PTPRD: variants seen among roughly 807,000 people sequenced by gnomAD.
PTPRD encodes the protein protein tyrosine phosphatase receptor type D.
In PTPRD, 34 loss-of-function variants were observed where a neutral mutation model predicts 214.5. The ratio of observed to expected loss-of-function variants is 0.16; its 90% CI spans 0.12 to 0.21. The LOEUF is 0.21. PTPRD is among the 10% of genes least tolerant of loss of function. The probability of loss-of-function intolerance (pLI) is 1.00; values close to 1 mark genes in which losing one functional copy is unlikely to be tolerated. For missense variants in PTPRD, 2,545 were observed against 2,398.7 expected (o/e 1.06, Z -1.27); for synonymous variants, 1,128 against 845.7 (o/e 1.33, Z -5.79).
At chr9:9,153,826 T>A (rs966509570) in intron 10 of PTPRD, among the ~76,000 whole-genome samples, 1 of 152,118 alleles carries the variant, frequency 6.6e-6, no homozygotes, top group Non-Finnish European at 1.5e-5. Flanking sequence ...CATAAATTTG[T>A]CTCCTCAGAC....
At chr9:10,257,500 T>C (rs1421985872) in intron 3 of PTPRD, among the ~76,000 whole-genome samples, 1 of 152,134 alleles carries the variant, frequency 6.6e-6, no homozygotes, top group Non-Finnish European at 1.5e-5. Context: ...ATCCAATTGA[T>C]TAGGCAAGCA....
At chr9:10,111,212 T>A (rs919696540) in intron 3 of PTPRD, among the ~76,000 whole-genome samples, 5 of 150,856 alleles carry the variant, frequency 3.3e-5, no homozygotes, top group African/African-American at 1.2e-4. Context: ...ATAATCTGTG[T>A]GCTTCCAGTT....
At chr9:8,450,997 T>C (rs973516156) in intron 33 of PTPRD, among the ~76,000 whole-genome samples, 3 of 152,216 alleles carry the variant, frequency 2.0e-5, no homozygotes, top group East Asian at 1.9e-4. Context: ...GATGTGACTG[T>C]GGTACAGCTC....
rs772990937 is a variant in PTPRD at position 8,500,804 on chromosome 9, A to T, written c.2078T>A (p.Val693Asp). Residue 693 changes from valine to aspartate, a missense_variant, in exon 24 of 46, where the codon GTC (valine) becomes GAC (aspartate). Physicochemically the swap from Val to Asp is radical, Grantham distance 152 (BLOSUM62 -3). Coordinates refer to ENST00000381196, the MANE Select transcript of PTPRD (RefSeq NM_002839.4). The part of the protein sequence containing the change: ...YRITVTAHTD[V>D]GPGPESLSVL... ...GGACAAGCTCTCAGGGCCAGGGCCGACATCTGTATGGGCTGTCACAGTGAT... is the reference window on the plus strand; with the variant it reads ...GGACAAGCTCTCAGGGCCAGGGCCGTCATCTGTATGGGCTGTCACAGTGAT... The T allele has an allele frequency of 3.1e-6, 5 of 1,614,150 alleles. No individual in the cohort carries two copies. In the South Asian group the frequency reaches 5.5e-5, roughly 18 times the overall value.
At chr9:8,987,890 T>C (rs372039536) in intron 11 of PTPRD, among the ~76,000 whole-genome samples, 94 of 152,190 alleles carry the variant, frequency 6.2e-4, no homozygotes, top group African/African-American at 2.0e-3. Context: ...ATCCTCAGTT[T>C]GAAGGCAATA....
intron 12 of PTPRD, among the ~76,000 whole-genome samples, chr9:8,722,322 A>T (rs2098509242): frequency 6.6e-6 from 1 of 152,150 alleles, no homozygotes; most frequent in Admixed American, 6.5e-5. Context: ...GAATTGAGAA[A>T]ATTGCTCCTG....
At chr9:9,842,088 G>A (rs992552741) in intron 5 of PTPRD, among the ~76,000 whole-genome samples, 2 of 151,852 alleles carry the variant, frequency 1.3e-5, no homozygotes, top group East Asian at 1.9e-4. Flanking sequence ...ATTTTTGGAT[G>A]TATATATACA....
chr9:9,981,432 G>T (rs915378109), intron 4 of PTPRD, among the ~76,000 whole-genome samples: 2 of 149,500 alleles, frequency 1.3e-5, no homozygotes, highest in African/African-American at 2.5e-5. Flanking sequence ...TCGGCTCAGT[G>T]CAAGCTCCAC....
At chr9:10,259,596 T>C (rs1328839798) in intron 3 of PTPRD, among the ~76,000 whole-genome samples, 1 of 151,626 alleles carries the variant, frequency 6.6e-6, no homozygotes, top group East Asian at 1.9e-4. Context: ...GTGGTGATGA[T>C]TTTTTTTTCA....
At chr9:9,643,280 A>C (rs992597891) in intron 7 of PTPRD, among the ~76,000 whole-genome samples, 1 of 152,128 alleles carries the variant, frequency 6.6e-6, no homozygotes, top group Non-Finnish European at 1.5e-5. Flanking sequence ...TTGATGACAA[A>C]CTGCAACATG....
chr9:9,356,765 G>C (rs1303391005), intron 9 of PTPRD, among the ~76,000 whole-genome samples: 1 of 151,262 alleles, frequency 6.6e-6, no homozygotes, highest in African/African-American at 2.4e-5. Flanking sequence ...CTCCCTCTAG[G>C]TTTGATTTTC....
chr9:8,735,171 TCTCA>T (rs2089939283), intron 11 of PTPRD, among the ~76,000 whole-genome samples: 1 of 143,196 alleles, frequency 7.0e-6, no homozygotes, highest in Non-Finnish European at 1.5e-5. Context: ...TTTGAGACAG[TCTCA>T]CTCTGTCACC....
chr9:8,780,527 C>A (rs2154493479), intron 11 of PTPRD, among the ~76,000 whole-genome samples: 1 of 152,244 alleles, frequency 6.6e-6, no homozygotes, highest in Middle Eastern at 3.4e-3. Context: ...GAAGGAGGTA[C>A]CGGAGAAGTC....
chr9:9,298,597 G>A (rs1264882930), intron 9 of PTPRD, among the ~76,000 whole-genome samples: 2 of 151,838 alleles, frequency 1.3e-5, no homozygotes, highest in Non-Finnish European at 2.9e-5. Context: ...TTGCAATGCT[G>A]CAAAGATTAT....
chr9:9,861,847 G>A (rs2062843063), intron 5 of PTPRD, among the ~76,000 whole-genome samples: 1 of 151,910 alleles, frequency 6.6e-6, no homozygotes, highest in African/African-American at 2.4e-5. Context: ...TATATGTAGA[G>A]GTATGTTTAT....
chr9:9,017,093 C>T (rs980348868), intron 11 of PTPRD, among the ~76,000 whole-genome samples: 4 of 151,968 alleles, frequency 2.6e-5, no homozygotes, highest in East Asian at 1.9e-4. Context: ...CAAGACACTG[C>T]GACTATTAGT....
At chr9:9,006,659 A>G (rs1266737257) in intron 11 of PTPRD, among the ~76,000 whole-genome samples, 2 of 152,004 alleles carry the variant, frequency 1.3e-5, no homozygotes, top group Admixed American at 1.3e-4. Flanking sequence ...GTCTAACCAT[A>G]ATTTTAGGGA....
At chr9:8,734,151 G>C (rs1269440570) in intron 11 of PTPRD, among the ~76,000 whole-genome samples, 1 of 152,186 alleles carries the variant, frequency 6.6e-6, no homozygotes, top group African/African-American at 2.4e-5. Flanking sequence ...GACTATCCGG[G>C]TTTGTGTTAC....
intron 2 of PTPRD, among the ~76,000 whole-genome samples, chr9:10,378,655 A>G (rs1024552938): frequency 6.6e-6 from 1 of 151,760 alleles, no homozygotes; most frequent in African/African-American, 2.4e-5. Context: ...TGGGTTCTCT[A>G]TTTTGTTCCA....
Sources: gnomAD v4.1 joint callset for allele counts (sites outside exome capture counted in the v4.1 genomes callset) on GRCh38, gnomAD v4.1.1 for gene constraint, MANE v1.5 for transcripts, NCBI Gene and HGNC (gene_info 2026-07-23, HGNC 2026-07-21) for gene names.